The following MYO6 variants were observed in gnomAD, a reference collection of about 807,000 sequenced individuals.
The protein encoded by MYO6 is myosin VI.
In MYO6, 74 loss-of-function variants were observed where a neutral mutation model predicts 178.7. That is an observed-to-expected ratio of 0.41 (90% CI 0.34 to 0.50). The LOEUF (loss-of-function observed/expected upper bound fraction) is 0.50. MYO6 is among the 20% of genes least tolerant of loss of function. The pLI is 0.09. For missense variants in MYO6, 1,330 were observed against 1,547.4 expected (o/e 0.86, Z 2.36); for synonymous variants, 477 against 504.6 (o/e 0.95, Z 0.73).
intron 1 of MYO6, among the ~76,000 whole-genome samples, chr6:75,803,674 G>A (rs188363614): frequency 7.2e-5 from 11 of 152,194 alleles, no homozygotes; most frequent in African/African-American, 1.2e-4. Flanking sequence ...TATTGTTAAT[G>A]TTCAGATATT....
At chr6:75,885,260 G>A (rs933151956) in intron 23 of MYO6, among the ~76,000 whole-genome samples, 6 of 152,136 alleles carry the variant, frequency 3.9e-5, no homozygotes, top group African/African-American at 7.2e-5. Context: ...CTGGCTGGGC[G>A]TGGTGGCTCA....
chr6:75,888,043 A>T (rs1179748508), intron 25 of MYO6, among the ~76,000 whole-genome samples: 1 of 151,908 alleles, frequency 6.6e-6, no homozygotes, highest in Non-Finnish European at 1.5e-5. Context: ...TAATCCCAGC[A>T]CTTTGGGAGG....
intron 1 of MYO6, among the ~76,000 whole-genome samples, chr6:75,795,977 C>T (rs1768779331): frequency 6.6e-6 from 1 of 152,074 alleles, no homozygotes. Context: ...TCTATGGATA[C>T]TCAACAATCT....
At chr6:75,817,304 CAA>C (rs759910571) in intron 1 of MYO6, among the ~76,000 whole-genome samples, 195 bp from the exon 2 acceptor site, 5 of 62,966 alleles carry the variant, frequency 7.9e-5, no homozygotes, top group Admixed American at 3.8e-4. Context: ...GATTCCGTCT[CAA>C]AAAAAAAAAA....
rs10687890 is a variant in MYO6, at chr6:75,866,275, C to CTGTGTGTGTG, written c.1675-227_1675-218dup. On this transcript the variant is annotated intron_variant, in intron 16 of 34. Coordinates refer to ENST00000369977, the MANE Select transcript of MYO6 (RefSeq NM_004999.4). ...TTTCTCTCCGTCTCTGTCTCTGTCT[C>CTGTGTGTGTG]TGTGTGTGTGTGTGTGTGTGTGTGT... Among the ~76,000 whole-genome samples the CTGTGTGTGTG allele has an allele frequency of 0.031, 3,724 of 119,134 alleles. 56 individuals carry two copies. Among genetic ancestry groups the CTGTGTGTGTG allele is most frequent in the South Asian group, 0.066 (226 of 3,438 alleles). 78.2% of individuals were successfully genotyped at this position (119,134 alleles called of 152,430 possible).
rs376388488 is a variant in MYO6 at position 75,874,914 on chromosome 6, A to G, written c.2077+1614A>G. Reference sequence around the variant, plus strand: ...GTTCTGAAGCAAATGTCCCTTTTGCAGTCCTTATTTTAGTGGACTTCATAG... The same window carrying G: ...GTTCTGAAGCAAATGTCCCTTTTGCGGTCCTTATTTTAGTGGACTTCATAG... On this transcript the variant is annotated intron_variant, in intron 20 of 34. Coordinates refer to ENST00000369977, the MANE Select transcript of MYO6 (RefSeq NM_004999.4). Among the ~76,000 whole-genome samples, 54 of 152,332 alleles carry G rather than the reference A, an allele frequency of 3.5e-4. 1 individual carries two copies. The highest frequency in any genetic ancestry group is 3.4e-3 in the Middle Eastern group (1 of 294).
At chr6:75,860,393 C>T (rs1776102773) in intron 14 of MYO6, among the ~76,000 whole-genome samples, 1 of 152,292 alleles carries the variant, frequency 6.6e-6, no homozygotes, top group African/African-American at 2.4e-5. Flanking sequence ...ACCTTCATGC[C>T]TCTAATTTAA....
intron 7 of MYO6, among the ~76,000 whole-genome samples, chr6:75,840,201 G>C (rs1774076478): frequency 7.3e-6 from 1 of 137,394 alleles, no homozygotes; most frequent in Non-Finnish European, 1.5e-5. Flanking sequence ...TGTTCTTGTC[G>C]CCCAGGCTGG....
intron 16 of MYO6, chr6:75,865,126 CTT>C (rs35354003): frequency 2.1e-5 from 3 of 144,980 alleles, no homozygotes; most frequent in Admixed American, 6.9e-5. Context: ...TTTTCTTTTT[CTT>C]TTTTTTTTTG....
chr6:75,905,041 G>A (rs1362424798), intron 30 of MYO6, among the ~76,000 whole-genome samples: 1 of 152,150 alleles, frequency 6.6e-6, no homozygotes, highest in South Asian at 2.1e-4. Context: ...GCTGCTTAGG[G>A]GTCAGGGGTC....
At chr6:75,801,631 C>T (rs116324791) in intron 1 of MYO6, among the ~76,000 whole-genome samples, 1,919 of 151,900 alleles carry the variant, frequency 0.013, 39 homozygotes, top group African/African-American at 0.044. Flanking sequence ...TTAAAGTGGC[C>T]CTTGGAAATC....
At position 75,909,905 on chromosome 6, in the gene MYO6, A is replaced by T. The variant is rs1045233722; in HGVS notation, c.3412+1278A>T. On this transcript the variant is annotated intron_variant, in intron 32 of 34. Transcript: ENST00000369977. ...GCAGTGTTTAAATAAAGTCAATTTAATAGTGGAATTCTAGTGTTTCTAAGT... is the reference window on the plus strand; with the variant it reads ...GCAGTGTTTAAATAAAGTCAATTTATTAGTGGAATTCTAGTGTTTCTAAGT... Among the ~76,000 whole-genome samples, 2 of 152,216 alleles carry T rather than the reference A, an allele frequency of 1.3e-5. 1 individual carries two copies. The highest frequency in any genetic ancestry group is 4.1e-4 in the South Asian group (2 of 4,832).
chr6:75,843,300 A>G (rs1339761404), intron 9 of MYO6, among the ~76,000 whole-genome samples: 1 of 152,192 alleles, frequency 6.6e-6, no homozygotes, highest in East Asian at 1.9e-4. Context: ...AGAATTGTGG[A>G]TGTATACCTG....
At chr6:75,902,828 T>G (rs1440520172) in intron 30 of MYO6, among the ~76,000 whole-genome samples, 2 of 151,452 alleles carry the variant, frequency 1.3e-5, no homozygotes, top group East Asian at 1.9e-4. Flanking sequence ...AGGGTGTCAA[T>G]TTTGGATCTT....
chr6:75,887,103 A>G, intron 25 of MYO6, 109 bp downstream of exon 25: 5 of 1,020,970 alleles, frequency 4.9e-6, no homozygotes, highest in Non-Finnish European at 7.4e-6. Context: ...AAATTACAAA[A>G]TGTGTTGAGA....
chr6:75,855,022 A>G (rs1174097689), intron 11 of MYO6, 117 bp from the exon 12 acceptor site: 3 of 917,964 alleles, frequency 3.3e-6, no homozygotes, highest in East Asian at 2.7e-5. Context: ...AAAAGTTACA[A>G]ATAAGCCTTG....
intron 1 of MYO6, among the ~76,000 whole-genome samples, chr6:75,780,033 TTCATGGACC>T: frequency 6.6e-6 from 1 of 152,336 alleles, no homozygotes; most frequent in South Asian, 2.1e-4. Flanking sequence ...TCTGACTGTC[TTCATGGACC>T]TCTTTGAAAT....
chr6:75,820,201 C>G (rs773915761), intron 2 of MYO6, among the ~76,000 whole-genome samples: 23 of 152,186 alleles, frequency 1.5e-4, no homozygotes, highest in Non-Finnish European at 2.6e-4. Context: ...TGCTGGTCTT[C>G]TGTTGTGTCA....
At position 75,848,258 on chromosome 6, in the gene MYO6, A is replaced by G. The variant is rs1172861251; in HGVS notation, c.898-93A>G. 4 of 1,140,392 alleles carry G rather than the reference A, an allele frequency of 3.5e-6. No homozygotes were observed. The Admixed American group carries it at 5.2e-5, about 15-fold the overall frequency. 70.6% of individuals were successfully genotyped at this position (1,140,392 alleles called of 1,614,324 possible). On this transcript the variant is annotated intron_variant, in intron 10 of 34. Transcript: ENST00000369977. ...TCCCATTGACAGATTTTATTTTTGC[A>G]TGTTATATAGTGCATTAATTGACCT...
Sources: allele counts gnomAD v4.1 joint callset (sites outside exome capture counted in the v4.1 genomes callset), GRCh38; gene constraint gnomAD v4.1.1; transcripts MANE v1.5; gene names NCBI Gene and HGNC (gene_info 2026-07-23, HGNC 2026-07-21).